GLIS1: variants seen among roughly 807,000 people sequenced by gnomAD.
The protein encoded by GLIS1 is zinc finger protein GLIS1.
Under a neutral mutation model 63.8 loss-of-function variants are expected in GLIS1, and 24 were observed. The ratio of observed to expected loss-of-function variants is 0.38; its 90% CI spans 0.27 to 0.53. The LOEUF is 0.53. Among genes scored for constraint, GLIS1 ranks in the 20% least tolerant of loss-of-function variants. The probability of loss-of-function intolerance (pLI) is 0.85; values close to 1 mark genes in which losing one functional copy is unlikely to be tolerated. For missense variants in GLIS1, 1,036 were observed against 1,074.1 expected (o/e 0.96, Z 0.50); for synonymous variants, 450 against 482.5 (o/e 0.93, Z 0.88).
intron 9 of GLIS1, among the ~76,000 whole-genome samples, chr1:53,509,550 C>CTA (rs1426240633): frequency 1.3e-5 from 2 of 152,134 alleles, no homozygotes; most frequent in Non-Finnish European, 2.9e-5. Context: ...TGGCTGATGC[C>CTA]TACTCCCTCC....
chr1:53,591,393 C>T (rs764638108), intron 4 of GLIS1, among the ~76,000 whole-genome samples: 4 of 152,136 alleles, frequency 2.6e-5, no homozygotes, highest in Admixed American at 6.5e-5. Flanking sequence ...CCAGTGGGGC[C>T]GGCCCTAAAG....
intron 2 of GLIS1, among the ~76,000 whole-genome samples, chr1:53,687,478 A>G (rs1266480202): frequency 1.3e-5 from 2 of 152,122 alleles, no homozygotes; most frequent in African/African-American, 2.4e-5. Flanking sequence ...CGCACAGTTG[A>G]GCCCCCACAA....
intron 4 of GLIS1, among the ~76,000 whole-genome samples, chr1:53,576,797 G>C (rs1234652373): frequency 6.6e-6 from 1 of 152,120 alleles, no homozygotes; most frequent in Admixed American, 6.5e-5. Flanking sequence ...GCTCAACTCT[G>C]TACCCCACTC....
chr1:53,700,371 G>A (rs935833141), intron 2 of GLIS1, among the ~76,000 whole-genome samples: 7 of 152,130 alleles, frequency 4.6e-5, no homozygotes, highest in South Asian at 2.1e-4. Flanking sequence ...GAGGGTACGC[G>A]GCTCCGTGGC....
rs550157493 is a variant in GLIS1 at position 53,684,924 on chromosome 1, A to G, written c.259+52882T>C. Among the ~76,000 whole-genome samples, 42 of 145,124 alleles carry G rather than the reference A, an allele frequency of 2.9e-4. 2 individuals carry two copies. In the South Asian group the frequency reaches 8.5e-3, roughly 29 times the overall value. The stretch of plus-strand genomic sequence containing the variant: ...CTGCCCAGCCCTGAGCTGGAAACAG[A>G]GGACACAGAGAGTCATGCTGCCATC... On this transcript the variant is annotated intron_variant, in intron 2 of 10. Coordinates refer to ENST00000628545, the MANE Select transcript of GLIS1 (RefSeq NM_001367484.1).
At chr1:53,548,061 G>A (rs1316912581) in intron 4 of GLIS1, among the ~76,000 whole-genome samples, 1 of 152,206 alleles carries the variant, frequency 6.6e-6, no homozygotes, top group Non-Finnish European at 1.5e-5. Context: ...CCTGCTGGCC[G>A]CATCCTCTGC....
chr1:53,579,077 A>C (rs1210145355), intron 4 of GLIS1, among the ~76,000 whole-genome samples: 1 of 150,252 alleles, frequency 6.7e-6, no homozygotes, highest in African/African-American at 2.5e-5. Flanking sequence ...AAAAAAAAAC[A>C]GTTTAGGTCA....
At chr1:53,612,585 A>T (rs1483121887) in intron 2 of GLIS1, among the ~76,000 whole-genome samples, 2 of 151,780 alleles carry the variant, frequency 1.3e-5, no homozygotes, top group Non-Finnish European at 2.9e-5. Flanking sequence ...TGGGATCTTG[A>T]CCCCTCATGA....
intron 4 of GLIS1, among the ~76,000 whole-genome samples, chr1:53,592,945 G>A (rs1197541973): frequency 6.6e-6 from 1 of 152,266 alleles, no homozygotes; most frequent in Non-Finnish European, 1.5e-5. Flanking sequence ...CAGGAGGACG[G>A]AGTTTATGCT....
At chr1:53,614,820 A>T (rs890390885) in intron 2 of GLIS1, among the ~76,000 whole-genome samples, 5 of 151,508 alleles carry the variant, frequency 3.3e-5, no homozygotes, top group African/African-American at 1.2e-4. Flanking sequence ...ATGCACACAC[A>T]TACTCTTTCA....
intron 4 of GLIS1, among the ~76,000 whole-genome samples, chr1:53,567,770 G>A (rs1644947715): frequency 6.6e-6 from 1 of 152,258 alleles, no homozygotes; most frequent in Non-Finnish European, 1.5e-5. Context: ...GAGGGTGCAA[G>A]CCCCAAGCCT....
At chr1:53,567,497 G>A (rs111337777) in intron 4 of GLIS1, among the ~76,000 whole-genome samples, 3 of 152,364 alleles carry the variant, frequency 2.0e-5, no homozygotes, top group African/African-American at 7.2e-5. Flanking sequence ...AGAAATTCAA[G>A]TCAGCTGCAG....
intron 4 of GLIS1, among the ~76,000 whole-genome samples, chr1:53,584,735 C>T (rs1473116681): frequency 1.3e-5 from 2 of 152,144 alleles, no homozygotes; most frequent in African/African-American, 4.8e-5. Context: ...CTTGGTGTGT[C>T]CAAGGTGACC....
At chr1:53,701,490 C>T (rs545478757) in intron 2 of GLIS1, among the ~76,000 whole-genome samples, 10 of 152,186 alleles carry the variant, frequency 6.6e-5, no homozygotes, top group Admixed American at 1.3e-4. Context: ...GTGCTCATGG[C>T]GTGCCAGGTA....
chr1:53,685,361 T>C (rs1385120331), intron 2 of GLIS1, among the ~76,000 whole-genome samples: 5 of 152,208 alleles, frequency 3.3e-5, no homozygotes, highest in African/African-American at 9.6e-5. Context: ...CAGAGCGCCG[T>C]GGTGTCTGCG....
intron 2 of GLIS1, among the ~76,000 whole-genome samples, chr1:53,609,022 G>A (rs1207481016): frequency 6.6e-6 from 1 of 152,188 alleles, no homozygotes; most frequent in Non-Finnish European, 1.5e-5. Flanking sequence ...AAGAACAGCA[G>A]AGAAACTAAG....
At chr1:53,690,306 A>G (rs974656311) in intron 2 of GLIS1, among the ~76,000 whole-genome samples, 12 of 152,204 alleles carry the variant, frequency 7.9e-5, no homozygotes, top group Non-Finnish European at 8.8e-5. Flanking sequence ...TGCCCCCATC[A>G]GCGCATGATG....
chr1:53,575,330 A>T (rs1007051043), intron 4 of GLIS1, among the ~76,000 whole-genome samples: 1 of 152,120 alleles, frequency 6.6e-6, no homozygotes, highest in Non-Finnish European at 1.5e-5. Flanking sequence ...CAAGCTCCTC[A>T]GTCTGACATC....
intron 2 of GLIS1, among the ~76,000 whole-genome samples, chr1:53,710,585 C>G (rs577758541): frequency 6.6e-6 from 1 of 152,348 alleles, no homozygotes; most frequent in South Asian, 2.1e-4. Flanking sequence ...ACAATAACAC[C>G]TACTTCACAG....
Sources: gnomAD v4.1 joint callset for allele counts (sites outside exome capture counted in the v4.1 genomes callset) on GRCh38, gnomAD v4.1.1 for gene constraint, MANE v1.5 for transcripts, NCBI Gene and HGNC (gene_info 2026-07-23, HGNC 2026-07-21) for gene names.